The following IFT140 variants were observed in gnomAD, a reference collection of about 807,000 sequenced individuals.
IFT140 encodes the protein intraflagellar transport 140, also known as intraflagellar transport protein 140 homolog.
IFT140 carries 133 observed loss-of-function variants against 164.6 expected under a neutral mutation model. The observed-to-expected ratio is 0.81, with a 90% CI of 0.70 to 0.93. IFT140 has a LOEUF of 0.93. Among genes scored for constraint, IFT140 ranks in the 40% least tolerant of loss-of-function variants. The pLI, the probability that IFT140 is intolerant of heterozygous loss-of-function variation, is 0.00. For missense variants in IFT140, 2,045 were observed against 1,972.3 expected, an observed-to-expected ratio of 1.04 and a Z score of -0.70; for synonymous variants, 860 against 817.3, an observed-to-expected ratio of 1.05 and a Z score of -0.89.
At chr16:1,566,023 G>A in intron 16 of IFT140, 138 bp downstream of exon 16, 1 of 737,250 alleles carries the variant, frequency 1.4e-6, no homozygotes, top group Non-Finnish European at 2.3e-6. Context: ...GTGTGCTTCT[G>A]TTTTCCTCTT....
At chr16:1,574,284 C>T (rs2141666819) in intron 13 of IFT140, among the ~76,000 whole-genome samples, 1 of 152,168 alleles carries the variant, frequency 6.6e-6, no homozygotes, top group South Asian at 2.1e-4. Context: ...CACTTAATTA[C>T]TTATTTATTT....
At chr16:1,521,685 C>T (rs1201496406) in intron 26 of IFT140, among the ~76,000 whole-genome samples, 1 of 151,766 alleles carries the variant, frequency 6.6e-6, no homozygotes, top group Non-Finnish European at 1.5e-5. Flanking sequence ...AGCCACCACA[C>T]CCAGCCCTCA....
In IFT140 at chr16:1,526,020, A is replaced by G. The variant is rs1249236442; in HGVS notation, c.2635T>C (p.Tyr879His). Residue 879 changes from tyrosine to histidine, a missense_variant, in exon 21 of 31, where the codon TAC becomes CAC. Tyr to His is a moderately conservative substitution (Grantham distance 83). Transcript: ENST00000426508. ...CKRHDLLNKF[Y>H]QAAGRWQEAL... ...TCCTGCCACCGGCCCGCAGCCTGGT[A>G]GAACTTGTTCAGGAGGTCGTGGCGC... 3 of 1,602,112 alleles carry G rather than the reference A, an allele frequency of 1.9e-6. No homozygotes were observed. Among genetic ancestry groups the G allele is most frequent in the Middle Eastern group, 1.7e-4 (1 of 6,010 alleles).
chr16:1,540,212 TG>T (rs1231838025), intron 19 of IFT140, among the ~76,000 whole-genome samples: 2 of 152,152 alleles, frequency 1.3e-5, no homozygotes, highest in African/African-American at 4.8e-5. Flanking sequence ...AAGGGCCAGG[TG>T]GGAAGCAGAT....
rs370417093 is a variant in IFT140 at position 1,537,790 on chromosome 16, C to T, written c.2400-10994G>A. 2.5e-3 allele frequency among the ~76,000 whole-genome samples: 379 copies of T among 152,344 alleles called. 1 individual carries two copies. The highest frequency in any genetic ancestry group is 4.2e-3 in the Admixed American group (65 of 15,310). On this transcript the variant is annotated intron_variant, in intron 19 of 30. Coordinates refer to ENST00000426508, the MANE Select transcript of IFT140 (RefSeq NM_014714.4). ...ATGACCGTGTGATTGAATCTCGAGG[C>T]AGGCGAGCCAGAGCCTGGCGCTAGC...
intron 13 of IFT140, among the ~76,000 whole-genome samples, chr16:1,573,566 T>C (rs1040097418): frequency 6.6e-6 from 1 of 152,162 alleles, no homozygotes; most frequent in African/African-American, 2.4e-5. Context: ...ATGCCAGCTC[T>C]GCCTCTGGAG....
chr16:1,526,084 A>C lies in IFT140; in HGVS notation c.2578-7T>G, dbSNP rs1248026752. 1 of 1,576,560 alleles carries C rather than the reference A, an allele frequency of 6.3e-7. No individual in the cohort carries two copies. The highest frequency in any genetic ancestry group is 1.8e-5 in the Admixed American group (1 of 54,892). ...ACAGCTGCTCGGCGTCCTCCTGAGG[A>C]ATGAGGATGGGCAGGTGTCGTGCAG... On this transcript the variant is annotated splice_region_variant and splice_polypyrimidine_tract_variant and intron_variant, in intron 20 of 30. Coordinates refer to ENST00000426508, the MANE Select transcript of IFT140 (RefSeq NM_014714.4).
chr16:1,520,366 T>C, intron 27 of IFT140, 23 bp from the exon 28 acceptor site: 1 of 1,611,298 alleles, frequency 6.2e-7, no homozygotes, highest in South Asian at 1.1e-5. Flanking sequence ...ACAGCGGGGC[T>C]CAGGCAAGCA....
At chr16:1,593,607 G>A (rs1456963794) in intron 4 of IFT140, among the ~76,000 whole-genome samples, 2 of 152,258 alleles carry the variant, frequency 1.3e-5, no homozygotes, top group East Asian at 1.9e-4. Flanking sequence ...TTGTCTTAAG[G>A]CCCTGGACAG....
intron 19 of IFT140, chr16:1,541,315 T>A (rs1192945088): frequency 2.0e-6 from 2 of 985,118 alleles, no homozygotes; most frequent in East Asian, 1.1e-4. Context: ...TTCAGACCCA[T>A]GTCTGACCCC....
intron 19 of IFT140, chr16:1,534,232 G>C (rs1230403380): frequency 6.2e-7 from 1 of 1,601,610 alleles, no homozygotes; most frequent in Non-Finnish European, 8.5e-7. Context: ...GCCGCGGACT[G>C]GGACTTGGCT....
At chr16:1,537,222 G>A (rs556863866) in intron 19 of IFT140, among the ~76,000 whole-genome samples, 2 of 151,602 alleles carry the variant, frequency 1.3e-5, no homozygotes, top group East Asian at 1.9e-4. Flanking sequence ...GCCTCCTCAC[G>A]CAGGCCAGGG....
intron 12 of IFT140, among the ~76,000 whole-genome samples, chr16:1,582,167 G>A (rs1248171387): frequency 6.6e-6 from 1 of 152,176 alleles, no homozygotes; most frequent in Non-Finnish European, 1.5e-5. Flanking sequence ...AAAGATGCCA[G>A]GTCCTGCTCC....
At chr16:1,561,908 C>A (rs766427124) in intron 18 of IFT140, 77 bp downstream of exon 18, 264 of 1,426,004 alleles carry the variant, frequency 1.9e-4, no homozygotes, top group Non-Finnish European at 2.3e-4. Flanking sequence ...ATTTCAGCTC[C>A]CTGGGACGCT....
At chr16:1,543,262 AG>A (rs1222508818) in intron 19 of IFT140, among the ~76,000 whole-genome samples, 2 of 152,256 alleles carry the variant, frequency 1.3e-5, no homozygotes, top group Non-Finnish European at 2.9e-5. Context: ...AGGAAGTGGC[AG>A]GAAGTCCAGA....
At chr16:1,586,745 C>T (rs1019403145) in intron 9 of IFT140, among the ~76,000 whole-genome samples, 6 of 152,256 alleles carry the variant, frequency 3.9e-5, no homozygotes, top group African/African-American at 1.4e-4. Flanking sequence ...CACGCTCTGT[C>T]ACACAGACTG....
chr16:1,544,428 G>A (rs1012180544), intron 19 of IFT140, among the ~76,000 whole-genome samples: 4 of 151,420 alleles, frequency 2.6e-5, no homozygotes, highest in South Asian at 2.1e-4. Context: ...CTCGTGATCC[G>A]CCCACCTTGG....
At chr16:1,560,541 C>A (rs979466921) in intron 18 of IFT140, among the ~76,000 whole-genome samples, 5 of 152,204 alleles carry the variant, frequency 3.3e-5, no homozygotes, top group African/African-American at 1.2e-4. Context: ...AAGGTGAATG[C>A]CAGCTCAGGG....
At position 1,566,157 on chromosome 16, in the gene IFT140, T is replaced by G. The variant is rs765442868; in HGVS notation, c.1901+4A>C. 1 of 1,612,112 alleles carries G rather than the reference T, an allele frequency of 6.2e-7. No individual in the cohort carries two copies. The highest frequency in any genetic ancestry group is 8.5e-7 in the Non-Finnish European group (1 of 1,178,914). On this transcript the variant is annotated splice_donor_region_variant and intron_variant, in intron 16 of 30. Transcript: ENST00000426508. ...AACAAAATCCTCCTGAACCACAATC[T>G]TACTTATTAGTCTCTTGCTCATTAA...
Sources: allele counts gnomAD v4.1 joint callset (sites outside exome capture counted in the v4.1 genomes callset), GRCh38; gene constraint gnomAD v4.1.1; transcripts MANE v1.5; gene names NCBI Gene and HGNC (gene_info 2026-07-23, HGNC 2026-07-21).